VPS13C: variants seen among roughly 807,000 people sequenced by gnomAD.
The protein encoded by VPS13C is intermembrane lipid transfer protein VPS13C.
VPS13C carries 358 observed loss-of-function variants against 456.8 expected under a neutral mutation model. The ratio of observed to expected loss-of-function variants is 0.78; its 90% confidence interval spans 0.72 to 0.86. The LOEUF (loss-of-function observed/expected upper bound fraction) is 0.86, where lower values mean the gene tolerates loss of function less well. Ranked by LOEUF, VPS13C falls within the 40% of genes least tolerant of loss-of-function variation. The pLI is 0.00. For synonymous variants in VPS13C, 1,578 were observed against 1,486.7 expected (o/e 1.06, Z -1.41); for missense variants, 4,818 against 4,385.4 (o/e 1.10, Z -2.79).
intron 1 of VPS13C, among the ~76,000 whole-genome samples, chr15:62,052,672 CAAAAAAAA>C (rs35444089): frequency 1.4e-5 from 1 of 70,542 alleles, no homozygotes; most frequent in African/African-American, 5.9e-5. Context: ...GACTCCGTCT[CAAAAAAAA>C]AAAAAAAAAA....
chr15:62,046,163 T>C (rs2048395237), intron 1 of VPS13C, among the ~76,000 whole-genome samples: 1 of 152,030 alleles, frequency 6.6e-6, no homozygotes, highest in Admixed American at 6.6e-5. Context: ...TACTATAGTA[T>C]ATAGTAGGAG....
chr15:61,900,239 C>T (rs1327086902), intron 66 of VPS13C, among the ~76,000 whole-genome samples: 1 of 152,152 alleles, frequency 6.6e-6, no homozygotes, highest in Non-Finnish European at 1.5e-5. Flanking sequence ...TCCTATTCAA[C>T]ATAGTGTTGG....
At chr15:61,898,273 G>T (rs2042893799) in intron 66 of VPS13C, among the ~76,000 whole-genome samples, 1 of 151,962 alleles carries the variant, frequency 6.6e-6, no homozygotes, top group South Asian at 2.1e-4. Context: ...AAATGTAAAT[G>T]GACTAAATGT....
At chr15:61,957,577 C>T (rs2045048605) in intron 37 of VPS13C, among the ~76,000 whole-genome samples, 1 of 151,984 alleles carries the variant, frequency 6.6e-6, no homozygotes, top group South Asian at 2.1e-4. Flanking sequence ...AGAAAAACAA[C>T]CTGGTGGGAG....
intron 35 of VPS13C, 58 bp from the exon 36 acceptor site, chr15:61,959,653 TA>T: frequency 8.5e-6 from 13 of 1,536,092 alleles, no homozygotes; most frequent in South Asian, 6.1e-5. Context: ...TGCAACATAT[TA>T]AAAAAAAGCA....
At chr15:61,865,478 AT>A (rs1343204898) in intron 81 of VPS13C, 1 of 984,154 alleles carries the variant, frequency 1.0e-6, no homozygotes, top group Non-Finnish European at 1.2e-6. Context: ...TTGCATGATC[AT>A]AAGTATGTGA....
chr15:61,981,041 A>G (rs1312184369), intron 22 of VPS13C, among the ~76,000 whole-genome samples: 1 of 152,200 alleles, frequency 6.6e-6, no homozygotes, highest in Non-Finnish European at 1.5e-5. Flanking sequence ...AACAAATAAC[A>G]CTGTATAATT....
chr15:61,991,925 T>C, intron 16 of VPS13C, 123 bp from the exon 17 acceptor site: 1 of 1,066,794 alleles, frequency 9.4e-7, no homozygotes, highest in East Asian at 2.6e-5. Context: ...ATTGCACCAG[T>C]CAAGATCTTA....
intron 16 of VPS13C, among the ~76,000 whole-genome samples, chr15:61,994,774 G>C (rs985706151): frequency 7.2e-5 from 11 of 151,994 alleles, no homozygotes; most frequent in African/African-American, 2.7e-4. Context: ...ATTTTTAGTA[G>C]AGACAGGGTT....
intron 18 of VPS13C, among the ~76,000 whole-genome samples, chr15:61,989,227 C>CA (rs750998024): frequency 0.013 from 1,243 of 99,138 alleles, 9 homozygotes; most frequent in Non-Finnish European, 0.016. Context: ...CCTGTCTCTA[C>CA]AAAAAAAAAA....
At chr15:61,990,667 C>T (rs2046197009) in intron 18 of VPS13C, among the ~76,000 whole-genome samples, 3 of 151,950 alleles carry the variant, frequency 2.0e-5, no homozygotes, top group African/African-American at 7.3e-5. Flanking sequence ...AAAAATTAGC[C>T]AGGCAGGGTG....
rs117063436 is a variant in VPS13C at position 61,978,465 on chromosome 15, A to C, written c.2290+161T>G. ...CATTTCTATTTATAAATGTTGTAGTAATTTACACTGATAGTGTCCTACATG... is the reference window on the plus strand; with the variant it reads ...CATTTCTATTTATAAATGTTGTAGTCATTTACACTGATAGTGTCCTACATG... On this transcript the variant is annotated intron_variant, in intron 23 of 84. Transcript: ENST00000644861. Among the ~76,000 whole-genome samples, 38 of 152,294 alleles carry C rather than the reference A, an allele frequency of 2.5e-4. No homozygotes were observed. In the East Asian group the frequency reaches 7.1e-3, roughly 29 times the overall value.
chr15:62,059,737 T>G (rs896978886), intron 1 of VPS13C, among the ~76,000 whole-genome samples: 1 of 152,238 alleles, frequency 6.6e-6, no homozygotes, highest in Non-Finnish European at 1.5e-5. Flanking sequence ...AGCACACGCC[T>G]ATCTTAAAGA....
At chr15:61,978,558 A>T in intron 23 of VPS13C, 68 bp downstream of exon 23, 1 of 1,554,896 alleles carries the variant, frequency 6.4e-7, no homozygotes, top group Non-Finnish European at 8.7e-7. Flanking sequence ...AGGCACACAT[A>T]TATACACGTA....
Position 61,911,847 on chromosome 15 carries a change from G to A in VPS13C, c.8708C>T (p.Ser2903Phe), listed in dbSNP as rs2043310537. 5 of 1,594,282 alleles carry A rather than the reference G, an allele frequency of 3.1e-6. No individual in the cohort carries two copies. Among genetic ancestry groups the A allele is most frequent in the Non-Finnish European group, 4.3e-6 (5 of 1,171,182 alleles). The change falls in exon 63 of 85, where the codon TCT becomes TTT. Residue 2903 changes from serine (S) to phenylalanine (F), a missense_variant. By Grantham distance (155) the Ser-to-Phe change is radical (BLOSUM62 -2). This residue lies in a region of VPS13C where 4,552 missense variants were observed against 4,130.6 expected (regional missense o/e 1.10). Coordinates refer to ENST00000644861, the MANE Select transcript of VPS13C (RefSeq NM_020821.3). ...MPTNKWNYIA[S>F]SECLPFWPES... ...AACAAAGAAAAATGCTACCTCTGAA[G>A]AAGCAATATAGTTCCATTTATTAGT...
chr15:62,007,861 C>G (rs372690004), intron 14 of VPS13C, among the ~76,000 whole-genome samples: 1 of 152,084 alleles, frequency 6.6e-6, no homozygotes, highest in African/African-American at 2.4e-5. Flanking sequence ...AATCCCAGCA[C>G]TTTGAGAGGC....
At position 61,983,938 on chromosome 15, in the gene VPS13C, G is replaced by A. The variant is rs765823676; in HGVS notation, c.1796C>T (p.Ser599Leu). The A allele has an allele frequency of 5.6e-6, 9 of 1,614,112 alleles. No homozygotes were observed. In the South Asian group the frequency reaches 9.9e-5, roughly 18 times the overall value. Residue 599 changes from serine (S) to leucine (L), a missense_variant, in exon 20 of 85, where the codon TCA (serine) becomes TTA (leucine). This residue lies in a region of VPS13C where 4,552 missense variants were observed against 4,130.6 expected (regional missense o/e 1.10). Coordinates refer to ENST00000644861, the MANE Select transcript of VPS13C (RefSeq NM_020821.3). ...CAAGGATGATGTAGTGTCACCAATT[G>A]AAGCCACAAGTGATGGCACAATATC... Reference protein sequence around the residue: ...QQDIVPSLVASIGDTTSSLLK... With the variant: ...QQDIVPSLVALIGDTTSSLLK...
rs1000708742 is a variant in VPS13C, at chr15:61,867,079, C to A, written c.10863+1580G>T. The A allele has an allele frequency of 1.1e-5, 10 of 928,800 alleles. No individual in the cohort carries two copies. Among genetic ancestry groups the A allele is most frequent in the African/African-American group, 7.1e-5 (4 of 56,078 alleles). 57.5% of individuals were successfully genotyped at this position (928,800 alleles called of 1,614,324 possible). A position where few individuals can be genotyped will look rare whatever the true frequency, so the allele number is the denominator to read the frequency against. ...ATTATTTTTTCTCTAAGATAATAAA[C>A]CCTCTCTAAGGATTTAAAAGCAAAA... On this transcript the variant is annotated intron_variant, in intron 81 of 84. Coordinates refer to ENST00000644861, the MANE Select transcript of VPS13C (RefSeq NM_020821.3). The surrounding 1 kb of genome is among the most constrained non-coding windows in gnomAD (Gnocchi z 5.0).
At chr15:62,011,012 T>G (rs1487884097) in intron 12 of VPS13C, among the ~76,000 whole-genome samples, 1 of 152,034 alleles carries the variant, frequency 6.6e-6, no homozygotes, top group Non-Finnish European at 1.5e-5. Flanking sequence ...CTAGCAGAAT[T>G]TAGTAACAAA....
Sources: allele counts gnomAD v4.1 joint callset (sites outside exome capture counted in the v4.1 genomes callset), GRCh38; gene constraint gnomAD v4.1.1; regional missense constraint gnomAD v4.1.1; non-coding constraint Gnocchi (gnomAD v3.1); transcripts MANE v1.5; gene names NCBI Gene and HGNC (gene_info 2026-07-23, HGNC 2026-07-21).